Variants in TAF15 observed in about 807,000 individuals in gnomAD.
TAF15 encodes the protein TATA-box binding protein associated factor 15, also known as TATA-binding protein-associated factor 2N.
A neutral mutation model predicts 102.5 loss-of-function variants in TAF15; 37 were observed. That is an observed-to-expected ratio of 0.36 (90% CI 0.28 to 0.47). The LOEUF is 0.47. TAF15 is among the 20% of genes least tolerant of loss of function. The pLI, the probability that TAF15 is intolerant of heterozygous loss-of-function variation, is 0.99. For missense variants in TAF15, 652 were observed against 760.7 expected (o/e 0.86, Z 1.68); for synonymous variants, 273 against 259.2 (o/e 1.05, Z -0.51).
intron 12 of TAF15, among the ~76,000 whole-genome samples, chr17:35,842,666 A>G: frequency 6.6e-6 from 1 of 152,168 alleles, no homozygotes; most frequent in South Asian, 2.1e-4. Flanking sequence ...GGTTGTAGAA[A>G]TCCCTTTGGA....
Position 35,809,525 on chromosome 17 carries a change from T to C in TAF15, c.-45T>C, listed in dbSNP as rs1304528148. Reference sequence around the variant, plus strand: ...CCGCGCCGCCTGGCTTTCGTATTCGTTGTTCTCGGCGGGCTGTGGGGCCTC... The same window carrying C: ...CCGCGCCGCCTGGCTTTCGTATTCGCTGTTCTCGGCGGGCTGTGGGGCCTC... On this transcript the variant is annotated 5_prime_UTR_variant, in exon 1 of 16. Coordinates refer to ENST00000605844, the MANE Select transcript of TAF15 (RefSeq NM_139215.3). 6.2e-7 allele frequency: 1 copy of C among 1,612,308 alleles called. No homozygotes were observed. Among genetic ancestry groups the C allele is most frequent in the South Asian group, 1.1e-5 (1 of 91,036 alleles).
At chr17:35,826,157 T>G (rs1048295101) in intron 7 of TAF15, among the ~76,000 whole-genome samples, 1 of 152,120 alleles carries the variant, frequency 6.6e-6, no homozygotes, top group Non-Finnish European at 1.5e-5. Context: ...ATAAACTAAA[T>G]TTTTTATTTT....
At chr17:35,843,397 T>G (rs2087571440) in intron 12 of TAF15, among the ~76,000 whole-genome samples, 1 of 152,240 alleles carries the variant, frequency 6.6e-6, no homozygotes, top group Non-Finnish European at 1.5e-5. Flanking sequence ...GTGCTTGGAT[T>G]ACAGGTGTGA....
intron 7 of TAF15, among the ~76,000 whole-genome samples, chr17:35,825,115 G>C (rs1431933296): frequency 6.6e-6 from 1 of 152,174 alleles, no homozygotes; most frequent in Admixed American, 6.5e-5. Flanking sequence ...GGGACCATCT[G>C]TCCCCTGAGG....
At chr17:35,831,033 A>C (rs1428049148) in intron 7 of TAF15, among the ~76,000 whole-genome samples, 1 of 152,192 alleles carries the variant, frequency 6.6e-6, no homozygotes, top group Non-Finnish European at 1.5e-5. Flanking sequence ...TTTCCAGTGT[A>C]CTATGGTATT....
At chr17:35,823,125 T>G (rs151036260) in intron 6 of TAF15, among the ~76,000 whole-genome samples, 3 of 152,330 alleles carry the variant, frequency 2.0e-5, no homozygotes, top group East Asian at 1.9e-4. Flanking sequence ...GGTGTTGGTG[T>G]TGTACTTGAT....
intron 15 of TAF15, among the ~76,000 whole-genome samples, chr17:35,846,270 T>C (rs1244003579): frequency 2.0e-5 from 3 of 152,244 alleles, no homozygotes; most frequent in Non-Finnish European, 4.4e-5. Flanking sequence ...TCAGTATTCT[T>C]ATCTGTAAAA....
rs572898301 is a variant in TAF15, at chr17:35,843,564, C to G, written c.1007-513C>G. ...TCACCTAATCTTCTTCATGGAGATT[C>G]TCAAACTAAGTAGGGTATAGGTTAG... On this transcript the variant is annotated intron_variant, in intron 12 of 15. Coordinates refer to ENST00000605844, the MANE Select transcript of TAF15 (RefSeq NM_139215.3). 3.9e-5 allele frequency among the ~76,000 whole-genome samples: 6 copies of G among 152,160 alleles called. No homozygotes were observed. The South Asian group carries it at 1.0e-3, about 26-fold the overall frequency.
In TAF15 at chr17:35,847,189, A is replaced by G. The variant is rs2087634202; in HGVS notation, c.*244A>G. The G allele has an allele frequency of 1.6e-6, 1 of 608,586 alleles. No individual in the cohort carries two copies. 37.7% of individuals were successfully genotyped at this position (608,586 alleles called of 1,614,324 possible). A position where few individuals can be genotyped will look rare whatever the true frequency, so the allele number is the denominator to read the frequency against. ...TGCGTTGTAAAATATTGCCAAAATG[A>G]AAAGTGTTTTGTAATACTGCAATAA... On this transcript the variant is annotated 3_prime_UTR_variant, in exon 16 of 16. Transcript: ENST00000605844.
intron 7 of TAF15, among the ~76,000 whole-genome samples, chr17:35,826,676 G>A (rs2087332773): frequency 6.7e-6 from 1 of 149,794 alleles, no homozygotes; most frequent in Non-Finnish European, 1.5e-5. Flanking sequence ...TCCTGCCTCA[G>A]CCTCCTGAGT....
At chr17:35,823,671 C>T (rs2087290840) in intron 6 of TAF15, 1 of 260,344 alleles carries the variant, frequency 3.8e-6, no homozygotes, top group Admixed American at 5.1e-5. Context: ...CATCAGTGCA[C>T]TCCAGCCTGG....
At chr17:35,820,498 C>A in intron 5 of TAF15, 61 bp downstream of exon 5, 2 of 1,450,342 alleles carry the variant, frequency 1.4e-6, no homozygotes, top group South Asian at 1.2e-5. Flanking sequence ...TGATATTAAA[C>A]AGATTTAACC....
At chr17:35,822,296 G>A (rs1292654487) in intron 5 of TAF15, among the ~76,000 whole-genome samples, 2 of 149,666 alleles carry the variant, frequency 1.3e-5, no homozygotes, top group South Asian at 2.1e-4. Flanking sequence ...AGCCACGATC[G>A]CGCCATTGCA....
intron 1 of TAF15, among the ~76,000 whole-genome samples, chr17:35,811,773 T>A (rs948614891): frequency 5.3e-5 from 8 of 152,360 alleles, no homozygotes; most frequent in Admixed American, 1.3e-4. Flanking sequence ...ACAACGTGAA[T>A]TAGCTAACAC....
intron 7 of TAF15, among the ~76,000 whole-genome samples, chr17:35,829,290 AATAG>A (rs1192931771): frequency 2.0e-5 from 3 of 151,688 alleles, no homozygotes; most frequent in African/African-American, 4.9e-5. Context: ...TTAGTCCATA[AATAG>A]ATATAGTTAG....
intron 1 of TAF15, among the ~76,000 whole-genome samples, chr17:35,813,996 TTG>T (rs200476049): frequency 0.056 from 7,553 of 133,822 alleles, 237 homozygotes; most frequent in South Asian, 0.17. Context: ...GTTTTTTTTG[TTG>T]TTGTTGTTGT....
intron 7 of TAF15, among the ~76,000 whole-genome samples, chr17:35,830,924 G>C (rs1393636341): frequency 1.3e-5 from 2 of 152,132 alleles, no homozygotes; most frequent in African/African-American, 4.8e-5. Context: ...TTTTGTTAAG[G>C]AGATTGAAGC....
intron 7 of TAF15, among the ~76,000 whole-genome samples, chr17:35,832,992 A>G (rs1300087846): frequency 6.6e-6 from 1 of 152,088 alleles, no homozygotes; most frequent in Non-Finnish European, 1.5e-5. Context: ...TCTCATCTCT[A>G]CTAAAAACAC....
intron 9 of TAF15, 43 bp from the exon 10 acceptor site, chr17:35,836,089 A>AC: frequency 7.5e-7 from 1 of 1,334,876 alleles, no homozygotes; most frequent in Non-Finnish European, 1.1e-6. Flanking sequence ...GAATGTCATA[A>AC]CCAAGGAATA....
Sources: gnomAD v4.1 joint callset for allele counts (sites outside exome capture counted in the v4.1 genomes callset) on GRCh38, gnomAD v4.1.1 for gene constraint, MANE v1.5 for transcripts, NCBI Gene and HGNC (gene_info 2026-07-23, HGNC 2026-07-21) for gene names.